SHE: variants seen among roughly 807,000 people sequenced by gnomAD.
SHE encodes the protein Src homology 2 domain containing E.
SHE carries 11 observed loss-of-function variants against 49.8 expected under a neutral mutation model. The ratio of observed to expected loss-of-function variants is 0.22; its 90% CI spans 0.14 to 0.37. SHE has a LOEUF of 0.37. Among genes scored for constraint, SHE ranks in the 10% least tolerant of loss-of-function variants. The probability of loss-of-function intolerance (pLI) is 1.00; values close to 1 mark genes in which losing one functional copy is unlikely to be tolerated. For synonymous variants in SHE, 310 were observed against 278.1 expected (o/e 1.11, Z -1.14); for missense variants, 624 against 655.5 (o/e 0.95, Z 0.52).
chr1:154,486,673 TTCAAACTGGACTGGAAGGA>T lies in SHE; in HGVS notation c.1025-9_1034del. 1 of 1,614,038 alleles carries T rather than the reference TTCAAACTGGACTGGAAGGA, an allele frequency of 6.2e-7. No homozygotes were observed. Reference sequence around the variant, plus strand: ...CCCTGAAGGAAGGTCGCTCAGCTCCTTCAAACTGGACTGGAAGGAAGACTCCATTTAACATCACAGGCCA... The same window carrying T: ...CCCTGAAGGAAGGTCGCTCAGCTCCTAGACTCCATTTAACATCACAGGCCA... On this transcript the variant is annotated splice_acceptor_variant and splice_polypyrimidine_tract_variant and coding_sequence_variant and intron_variant, in exon 4 of 6. Transcript: ENST00000304760. LOFTEE classifies it high-confidence loss of function.
At chr1:154,486,828 C>T in intron 3 of SHE, 145 bp from the exon 4 acceptor site, 2 of 837,104 alleles carry the variant, frequency 2.4e-6, no homozygotes, top group Non-Finnish European at 3.6e-6. Flanking sequence ...GCAAAATACC[C>T]TGGCTAGCTG....
chr1:154,478,856 T>TCCA (rs764172417), downstream of SHE, among the ~76,000 whole-genome samples: 5 of 152,192 alleles, frequency 3.3e-5, no homozygotes, highest in Non-Finnish European at 7.3e-5. Flanking sequence ...AGGCACTTGT[T>TCCA]CCACCTGGTG....
At position 154,481,443 on chromosome 1, in the gene SHE, T is replaced by A. The variant is rs904237732; in HGVS notation, c.*2706A>T. On this transcript the variant is annotated 3_prime_UTR_variant, in exon 6 of 6. Transcript: ENST00000304760. ...TATGACTTGTCACAGAGAAACAGTA[T>A]AGAAGAAGCATAATACTGGGCATAT... 122 of 985,314 alleles carry A rather than the reference T, an allele frequency of 1.2e-4. No homozygotes were observed. Among genetic ancestry groups the A allele is most frequent in the Non-Finnish European group, 1.5e-4 (122 of 829,936 alleles). The allele number at this position is 985,314 out of a possible 1,614,324, so 61.0% of individuals were successfully genotyped here.
At chr1:154,486,470 A>G in intron 4 of SHE, 57 bp downstream of exon 4, 2 of 1,593,958 alleles carry the variant, frequency 1.3e-6, no homozygotes, top group Non-Finnish European at 1.7e-6. Flanking sequence ...GCTCCCTGAT[A>G]CAAAGCTGTA....
chr1:154,502,030 C>T lies in SHE; in HGVS notation c.-4G>A. The T allele has an allele frequency of 2.3e-6, 3 of 1,323,358 alleles. No individual in the cohort carries two copies. The highest frequency in any genetic ancestry group is 2.9e-6 in the Non-Finnish European group (3 of 1,042,536). 82.0% of individuals were successfully genotyped at this position (1,323,358 alleles called of 1,614,324 possible). The stretch of plus-strand genomic sequence containing the variant: ...CAGGGGTCGGGGACCACTGCATTCC[C>T]CGTGACTGGGGCGCTGGAGGCCGCG... On this transcript the variant is annotated 5_prime_UTR_variant, in exon 1 of 6. Coordinates refer to ENST00000304760, the MANE Select transcript of SHE (RefSeq NM_001010846.3).
At chr1:154,492,647 ACT>A (rs1439028458) in intron 2 of SHE, among the ~76,000 whole-genome samples, 1 of 152,148 alleles carries the variant, frequency 6.6e-6, no homozygotes, top group African/African-American at 2.4e-5. Flanking sequence ...ACAAAAACAT[ACT>A]CTGTTCTTGG....
chr1:154,482,486 C>G lies in SHE; in HGVS notation c.*1663G>C. 2 of 985,336 alleles carry G rather than the reference C, an allele frequency of 2.0e-6. No homozygotes were observed. Among genetic ancestry groups the G allele is most frequent in the Non-Finnish European group, 2.4e-6 (2 of 829,892 alleles). The allele number at this position is 985,336 out of a possible 1,614,324, so 61.0% of individuals were successfully genotyped here. On this transcript the variant is annotated 3_prime_UTR_variant, in exon 6 of 6. Coordinates refer to ENST00000304760, the MANE Select transcript of SHE (RefSeq NM_001010846.3). ...TGTAACTAGTAACTACAAAGGTATA[C>G]TTTCCTAAAAAATTAACCAAATCAA...
At chr1:154,488,760 T>C (rs1367472074) in intron 3 of SHE, among the ~76,000 whole-genome samples, 3 of 151,880 alleles carry the variant, frequency 2.0e-5, no homozygotes, top group Non-Finnish European at 4.4e-5. Flanking sequence ...CTCATTTTTG[T>C]ATTTTTAGTA....
Position 154,489,198 on chromosome 1 carries a change from G to C in SHE, c.877C>G (p.Pro293Ala). ...LGKPPQLYDT[P>A]YEPAEGGPRA... Reference sequence around the variant, plus strand: ...GGCCCCCCTTCTGCAGGCTCGTAGGGAGTGTCGTATAGCTGTGGCGGCTTC... The same window carrying C: ...GGCCCCCCTTCTGCAGGCTCGTAGGCAGTGTCGTATAGCTGTGGCGGCTTC... The change falls in exon 3 of 6, where the codon CCC becomes GCC. Residue 293 changes from proline (P) to alanine (A), a missense_variant. Pro to Ala is a conservative substitution (Grantham distance 27). Transcript: ENST00000304760. 1 of 1,614,194 alleles carries C rather than the reference G, an allele frequency of 6.2e-7. No individual in the cohort carries two copies. Among genetic ancestry groups the C allele is most frequent in the Non-Finnish European group, 8.5e-7 (1 of 1,180,038 alleles).
In SHE at chr1:154,480,023, G is replaced by A. The variant is rs1691977496; in HGVS notation, c.*4126C>T. ...TCTTTTCCCATTAGATGGCAGTAAC[G>A]CACCATCTCTCTTCACACAGGGTCA... is the stretch of plus-strand genomic sequence containing the variant. On this transcript the variant is annotated 3_prime_UTR_variant, in exon 6 of 6. Transcript: ENST00000304760. 3.0e-6 allele frequency: 3 copies of A among 985,286 alleles called. No individual in the cohort carries two copies. Among genetic ancestry groups the A allele is most frequent in the Non-Finnish European group, 3.6e-6 (3 of 829,928 alleles). 61.0% of individuals were successfully genotyped at this position (985,286 alleles called of 1,614,324 possible).
At chr1:154,476,894 T>G (rs972746622), downstream of SHE, among the ~76,000 whole-genome samples, 1 of 152,206 alleles carries the variant, frequency 6.6e-6, no homozygotes, top group East Asian at 1.9e-4. Context: ...AAAAATGTCA[T>G]GTAGAAAGTA....
chr1:154,498,395 C>CATCCTTGCA (rs1692604312), intron 2 of SHE, among the ~76,000 whole-genome samples: 2 of 133,716 alleles, frequency 1.5e-5, no homozygotes. Flanking sequence ...TGCGCCTGGC[C>CATCCTTGCA]TTTTTTTTTT....
intron 2 of SHE, among the ~76,000 whole-genome samples, chr1:154,492,477 G>C (rs992094237): frequency 6.6e-6 from 1 of 152,192 alleles, no homozygotes; most frequent in Admixed American, 6.5e-5. Context: ...ACATCAGAAT[G>C]TAAGAGTCGG....
intron 1 of SHE, among the ~76,000 whole-genome samples, chr1:154,499,794 A>G (rs997620562): frequency 1.3e-5 from 2 of 152,188 alleles, no homozygotes; most frequent in South Asian, 2.1e-4. Flanking sequence ...GGTCAGTACT[A>G]AACAGTATTG....
chr1:154,488,932 G>A, intron 3 of SHE, 119 bp downstream of exon 3: 3 of 1,315,798 alleles, frequency 2.3e-6, no homozygotes, highest in Non-Finnish European at 3.1e-6. Context: ...CAAAACAGTT[G>A]CACATTGAGA....
rs1448553793 is a variant in SHE at position 154,482,914 on chromosome 1, T to A, written c.*1235A>T. On this transcript the variant is annotated 3_prime_UTR_variant, in exon 6 of 6. Coordinates refer to ENST00000304760, the MANE Select transcript of SHE (RefSeq NM_001010846.3). ...ATCTTAGGGTTGCATTTTTAAAAAA[T>A]TTACTACAAAGCAAATCTAATTTTA... 4 of 984,926 alleles carry A rather than the reference T, an allele frequency of 4.1e-6. No individual in the cohort carries two copies. Among genetic ancestry groups the A allele is most frequent in the African/African-American group, 3.5e-5 (2 of 57,204 alleles). 61.0% of individuals were successfully genotyped at this position (984,926 alleles called of 1,614,324 possible). A position where few individuals can be genotyped will look rare whatever the true frequency, so the allele number is the denominator to read the frequency against.
In SHE at chr1:154,482,091, G is replaced by T; in HGVS notation, c.*2058C>A. Reference sequence around the variant, plus strand: ...TGCAGTGACATAATCTTGGCTCACTGCAACCTCCACCTCCTGGGCTCAAGT... The same window carrying T: ...TGCAGTGACATAATCTTGGCTCACTTCAACCTCCACCTCCTGGGCTCAAGT... On this transcript the variant is annotated 3_prime_UTR_variant, in exon 6 of 6. Coordinates refer to ENST00000304760, the MANE Select transcript of SHE (RefSeq NM_001010846.3). The T allele has an allele frequency of 6.6e-6, 1 of 152,622 alleles. No homozygotes were observed. Among genetic ancestry groups the T allele is most frequent in the Non-Finnish European group, 1.3e-5 (1 of 74,154 alleles). 9.5% of individuals were successfully genotyped at this position (152,622 alleles called of 1,614,324 possible).
Position 154,502,040 on chromosome 1 carries a change from G to A in SHE, c.-14C>T, listed in dbSNP as rs1314865481. 8 of 1,278,804 alleles carry A rather than the reference G, an allele frequency of 6.3e-6. No individual in the cohort carries two copies. The highest frequency in any genetic ancestry group is 7.9e-6 in the Non-Finnish European group (8 of 1,016,798). The allele number at this position is 1,278,804 out of a possible 1,614,324, so 79.2% of individuals were successfully genotyped here. A position where few individuals can be genotyped will look rare whatever the true frequency, so the allele number is the denominator to read the frequency against. ...GGACCACTGCATTCCCCGTGACTGG[G>A]GCGCTGGAGGCCGCGGCGAGGCCCC... On this transcript the variant is annotated 5_prime_UTR_variant, in exon 1 of 6. Transcript: ENST00000304760.
intron 1 of SHE, among the ~76,000 whole-genome samples, chr1:154,473,482 G>A (rs1287290460): frequency 1.3e-5 from 2 of 151,412 alleles, no homozygotes; most frequent in Non-Finnish European, 2.9e-5. Context: ...GTGTTGGGGG[G>A]ACAGGGGTCG....
Sources: gnomAD v4.1 joint callset for allele counts (sites outside exome capture counted in the v4.1 genomes callset) on GRCh38, gnomAD v4.1.1 for gene constraint, MANE v1.5 for transcripts, NCBI Gene and HGNC (gene_info 2026-07-23, HGNC 2026-07-21) for gene names.